PRDM16: variants seen among roughly 807,000 people sequenced by gnomAD.
PRDM16 encodes PR/SET domain 16.
PRDM16 carries 23 observed loss-of-function variants against 110.6 expected under a neutral mutation model. The observed-to-expected ratio is 0.21, with a 90% CI of 0.15 to 0.29. PRDM16 has a LOEUF of 0.29. Ranked by LOEUF, PRDM16 falls within the 10% of genes least tolerant of loss-of-function variation. The pLI, the probability that PRDM16 is intolerant of heterozygous loss-of-function variation, is 1.00. For synonymous variants in PRDM16, 799 were observed against 781.8 expected, an observed-to-expected ratio of 1.02 and a Z score of -0.37; for missense variants, 1,615 against 1,794.3, an observed-to-expected ratio of 0.90 and a Z score of 1.81.
chr1:3,111,594 G>A (rs930521168), intron 1 of PRDM16, among the ~76,000 whole-genome samples: 1 of 151,700 alleles, frequency 6.6e-6, no homozygotes, highest in Non-Finnish European at 1.5e-5. Flanking sequence ...GGAGGGTGCC[G>A]AGCAAGGTTG....
At chr1:3,356,795 C>T (rs1157514419) in intron 3 of PRDM16, among the ~76,000 whole-genome samples, 1 of 152,196 alleles carries the variant, frequency 6.6e-6, no homozygotes, top group Non-Finnish European at 1.5e-5. Flanking sequence ...AGGTGAGAGT[C>T]CTGGAGACCG....
chr1:3,114,559 CAA>C (rs1370137505), intron 1 of PRDM16, among the ~76,000 whole-genome samples: 5 of 151,332 alleles, frequency 3.3e-5, no homozygotes, highest in African/African-American at 1.2e-4. Flanking sequence ...CACACGTGCA[CAA>C]ACAAGCACAC....
chr1:3,387,292 T>C (rs915340806), intron 4 of PRDM16, among the ~76,000 whole-genome samples: 1 of 152,126 alleles, frequency 6.6e-6, no homozygotes, highest in African/African-American at 2.4e-5. Flanking sequence ...CTCAGATACC[T>C]CCTGACCTGC....
intron 1 of PRDM16, among the ~76,000 whole-genome samples, chr1:3,181,323 A>ACACAAGCGGTCTTACACAAGCGG (rs1557508712): frequency 3.3e-5 from 1 of 30,618 alleles, no homozygotes. Flanking sequence ...TACACACGCA[A>ACACAAGCGGTCTTACACAAGCGG]TCTTACACAA....
chr1:3,134,852 C>T (rs541213590), intron 1 of PRDM16, among the ~76,000 whole-genome samples: 36 of 152,340 alleles, frequency 2.4e-4, no homozygotes, highest in African/African-American at 7.2e-4. Flanking sequence ...CCTGACCACC[C>T]GAACCCGCGT....
intron 3 of PRDM16, among the ~76,000 whole-genome samples, chr1:3,311,525 G>A (rs545092326): frequency 4.6e-4 from 70 of 152,344 alleles, no homozygotes; most frequent in African/African-American, 1.7e-3. Flanking sequence ...GAGAAGAAAT[G>A]ATGAAGAATC....
At chr1:3,172,932 T>C (rs1245952739) in intron 1 of PRDM16, among the ~76,000 whole-genome samples, 1 of 152,240 alleles carries the variant, frequency 6.6e-6, no homozygotes, top group Admixed American at 6.5e-5. Flanking sequence ...ATGACTGAAA[T>C]GATACATTTG....
intron 1 of PRDM16, among the ~76,000 whole-genome samples, chr1:3,113,807 G>A (rs1209552545): frequency 6.6e-6 from 1 of 152,252 alleles, no homozygotes; most frequent in Non-Finnish European, 1.5e-5. Flanking sequence ...GGGAGGCCCA[G>A]ACTCCCTCGA....
At chr1:3,090,941 G>T (rs1284768650) in intron 1 of PRDM16, among the ~76,000 whole-genome samples, 1 of 152,188 alleles carries the variant, frequency 6.6e-6, no homozygotes, top group Admixed American at 6.5e-5. Flanking sequence ...TGTGATCTAT[G>T]GGGAGCCACG....
chr1:3,261,092 C>CCTCCTG (rs1158465239), intron 3 of PRDM16, among the ~76,000 whole-genome samples: 1 of 143,836 alleles, frequency 7.0e-6, no homozygotes, highest in Non-Finnish European at 1.5e-5. Flanking sequence ...GAACAGTGCT[C>CCTCCTG]AGGAGAGTCC....
chr1:3,374,047 G>A (rs1000566376), intron 3 of PRDM16, among the ~76,000 whole-genome samples: 3 of 152,238 alleles, frequency 2.0e-5, no homozygotes, highest in Admixed American at 2.0e-4. Context: ...CACTTTGGAT[G>A]GAGGTCCCCA....
chr1:3,082,395 A>T (rs149375153), intron 1 of PRDM16, among the ~76,000 whole-genome samples: 1 of 152,332 alleles, frequency 6.6e-6, no homozygotes, highest in Non-Finnish European at 1.5e-5. Context: ...AGCTGTGGCC[A>T]CAGGATGGGG....
At chr1:3,252,281 C>T (rs751099633) in intron 3 of PRDM16, among the ~76,000 whole-genome samples, 8 of 152,248 alleles carry the variant, frequency 5.3e-5, no homozygotes, top group African/African-American at 1.7e-4. Flanking sequence ...GCATGCCCAG[C>T]GGTGTCCCTG....
At chr1:3,207,428 G>T (rs1432473905) in intron 2 of PRDM16, 2 of 152,226 alleles carry the variant, frequency 1.3e-5, no homozygotes, top group African/African-American at 4.8e-5. Flanking sequence ...TTTTAAAGGG[G>T]AAGCAGGCAC....
intron 2 of PRDM16, among the ~76,000 whole-genome samples, chr1:3,241,614 G>A (rs1286671316): frequency 6.6e-6 from 1 of 152,258 alleles, no homozygotes; most frequent in Non-Finnish European, 1.5e-5. Flanking sequence ...CGGGGAGCAG[G>A]AGTGCTGGCC....
intron 3 of PRDM16, among the ~76,000 whole-genome samples, chr1:3,273,999 A>AG (rs58959475): frequency 1.3e-5 from 2 of 150,620 alleles, no homozygotes; most frequent in Non-Finnish European, 3.0e-5. Flanking sequence ...AAAAAAAAAA[A>AG]GCCACTGAAA....
At chr1:3,164,746 G>A (rs979001537) in intron 1 of PRDM16, among the ~76,000 whole-genome samples, 14 of 152,152 alleles carry the variant, frequency 9.2e-5, no homozygotes, top group Non-Finnish European at 2.1e-4. Flanking sequence ...GGGGTCAGGT[G>A]TCCCGGCAGC....
Position 3,080,961 on chromosome 1 carries a change from G to T in PRDM16, c.37+11665G>T, listed in dbSNP as rs929368087. ...GTGTGTAGAGGGGGTGGCGGGGCGG[G>T]GGGGGTCTGCACATTCCGCCGAGTG... On this transcript the variant is annotated intron_variant, in intron 1 of 16. Transcript: ENST00000270722. The surrounding 1 kb of genome is among the most constrained non-coding windows in gnomAD (Gnocchi z 5.2). Among the ~76,000 whole-genome samples the T allele has an allele frequency of 1.3e-5, 2 of 151,628 alleles. No homozygotes were observed. Among genetic ancestry groups the T allele is most frequent in the African/African-American group, 4.9e-5 (2 of 41,232 alleles).
intron 1 of PRDM16, among the ~76,000 whole-genome samples, chr1:3,075,766 A>G (rs1436665699): frequency 6.6e-6 from 1 of 152,202 alleles, no homozygotes; most frequent in African/African-American, 2.4e-5. Context: ...GAGGCCGTGG[A>G]GCCTGTGTTG....
Sources: gnomAD v4.1 joint callset for allele counts (sites outside exome capture counted in the v4.1 genomes callset) on GRCh38, gnomAD v4.1.1 for gene constraint, Gnocchi (gnomAD v3.1) non-coding constraint, MANE v1.5 for transcripts, NCBI Gene and HGNC (gene_info 2026-07-23, HGNC 2026-07-21) for gene names.